SP4: variants seen among roughly 807,000 people sequenced by gnomAD.
SP4 encodes transcription factor Sp4.
SP4 carries 19 observed loss-of-function variants against 72.8 expected under a neutral mutation model. That is an observed-to-expected ratio of 0.26 (90% confidence interval 0.18 to 0.38). SP4 has a LOEUF of 0.38. SP4 is among the 10% of genes least tolerant of loss of function. The pLI is 1.00. For missense variants in SP4, 1,008 were observed against 926.3 expected (o/e 1.09, Z -1.14); for synonymous variants, 395 against 333.1 (o/e 1.19, Z -2.02).
rs762048786 is a variant in SP4, at chr7:21,429,809, C to G, written c.644C>G (p.Ala215Gly). ...QAILTAANRT[A>G]SGNILAQNLA... is the part of the protein sequence containing the mutation. ...ATACTCACAGCTGCTAACAGGACAG[C>G]TTCTGGGAATATTCTTGCTCAAAAC... The change falls in exon 3 of 6, where the codon GCT becomes GGT. Residue 215 changes from alanine to glycine, a missense_variant. This residue lies in a region of SP4 where 893 missense variants were observed against 743.3 expected (regional missense o/e 1.20). Transcript: ENST00000222584. 2 of 1,614,198 alleles carry G rather than the reference C, an allele frequency of 1.2e-6. No individual in the cohort carries two copies. Among genetic ancestry groups the G allele is most frequent in the African/African-American group, 2.7e-5 (2 of 75,058 alleles).
chr7:21,446,609 G>A (rs1159170550), intron 3 of SP4, among the ~76,000 whole-genome samples: 1 of 152,118 alleles, frequency 6.6e-6, no homozygotes, highest in African/African-American at 2.4e-5. Flanking sequence ...TTCATTTAGT[G>A]TTAGGATTCT....
chr7:21,446,802 G>T (rs577576605), intron 3 of SP4, among the ~76,000 whole-genome samples: 3 of 145,858 alleles, frequency 2.1e-5, no homozygotes, highest in African/African-American at 7.7e-5. Flanking sequence ...TCATATACGG[G>T]TTTGTTTGTT....
intron 3 of SP4, among the ~76,000 whole-genome samples, chr7:21,454,393 C>G (rs1783697807): frequency 6.7e-6 from 1 of 149,052 alleles, no homozygotes; most frequent in South Asian, 2.1e-4. Context: ...CCATCTACAA[C>G]ATACTTGGAC....
intron 3 of SP4, among the ~76,000 whole-genome samples, chr7:21,465,384 T>A (rs576039824): frequency 6.6e-6 from 1 of 152,000 alleles, no homozygotes; most frequent in South Asian, 2.1e-4. Context: ...CAGAAAAGAG[T>A]GTAGGGCTCT....
At chr7:21,437,753 A>G (rs1783096392) in intron 3 of SP4, among the ~76,000 whole-genome samples, 1 of 152,158 alleles carries the variant, frequency 6.6e-6, no homozygotes, top group Non-Finnish European at 1.5e-5. Context: ...TTTGGGATGT[A>G]TTGGCTTAAA....
At chr7:21,446,631 C>G (rs556266840) in intron 3 of SP4, among the ~76,000 whole-genome samples, 71 of 152,104 alleles carry the variant, frequency 4.7e-4, no homozygotes, top group Non-Finnish European at 6.6e-4. Context: ...TAGGTACTTT[C>G]ATTTAGTGTT....
intron 3 of SP4, among the ~76,000 whole-genome samples, chr7:21,469,932 T>C (rs568247896): frequency 7.2e-5 from 11 of 152,080 alleles, no homozygotes; most frequent in African/African-American, 1.2e-4. Context: ...GCAAATGTCA[T>C]AGGAGAAATC....
chr7:21,430,768 A>T lies in SP4; in HGVS notation c.1603A>T (p.Thr535Ser). 6.2e-7 allele frequency: 1 copy of T among 1,614,220 alleles called. No homozygotes were observed. The highest frequency in any genetic ancestry group is 8.5e-7 in the Non-Finnish European group (1 of 1,180,046). Residue 535 changes from threonine (T) to serine (S), a missense_variant, in exon 3 of 6, where the codon ACA (threonine) becomes TCA (serine). Transcript: ENST00000222584. ...GCTTGCATCAGTGCCTAACCTTCAG[A>T]CAGTGAGCGTTGCCAACCTGGGTGC... ...AQLASVPNLQ[T>S]VSVANLGAAG... is the part of the protein sequence containing the mutation.
chr7:21,432,585 T>A (rs1782900155), intron 3 of SP4, among the ~76,000 whole-genome samples: 1 of 152,254 alleles, frequency 6.6e-6, no homozygotes, highest in Non-Finnish European at 1.5e-5. Context: ...CAAACTTAGA[T>A]TAACTTGAAT....
At chr7:21,506,471 C>G (rs560671547) in intron 5 of SP4, among the ~76,000 whole-genome samples, 20 of 152,288 alleles carry the variant, frequency 1.3e-4, no homozygotes, top group African/African-American at 3.6e-4. Flanking sequence ...AGTCTTAGGA[C>G]CTTTTCCCTG....
At chr7:21,466,860 C>T (rs1784182625) in intron 3 of SP4, among the ~76,000 whole-genome samples, 1 of 151,948 alleles carries the variant, frequency 6.6e-6, no homozygotes, top group Non-Finnish European at 1.5e-5. Flanking sequence ...CTGTCACAGC[C>T]TATTCCCAAA....
intron 3 of SP4, among the ~76,000 whole-genome samples, chr7:21,446,128 T>TTTAAA (rs1172344206): frequency 1.3e-5 from 2 of 151,538 alleles, no homozygotes; most frequent in Non-Finnish European, 2.9e-5. Context: ...CAGGGAAAAC[T>TTTAAA]TAAAGGGATT....
intron 5 of SP4, among the ~76,000 whole-genome samples, chr7:21,505,309 G>T (rs1043459951): frequency 2.0e-5 from 3 of 152,142 alleles, no homozygotes; most frequent in African/African-American, 7.2e-5. Context: ...GCAAACTGCA[G>T]TTTGTTCTTA....
intron 5 of SP4, among the ~76,000 whole-genome samples, chr7:21,499,269 AGT>A (rs1405193580): frequency 6.6e-6 from 1 of 152,080 alleles, no homozygotes; most frequent in African/African-American, 2.4e-5. Flanking sequence ...ATGTCCCTTT[AGT>A]GGGTTGAATT....
At chr7:21,483,138 T>A (rs921303858) in intron 5 of SP4, among the ~76,000 whole-genome samples, 10 of 152,216 alleles carry the variant, frequency 6.6e-5, no homozygotes, top group Middle Eastern at 3.4e-3. Flanking sequence ...TTTTTTTCAA[T>A]CTAAAATTGT....
In SP4 at chr7:21,448,347, G is replaced by C. The variant is rs75238715; in HGVS notation, c.1678+17504G>C. Among the ~76,000 whole-genome samples, 495 of 152,234 alleles carry C rather than the reference G, an allele frequency of 3.3e-3. 20 individuals are homozygous for C. The highest frequency in any genetic ancestry group is 0.029 in the Admixed American group (441 of 15,288). On this transcript the variant is annotated intron_variant, in intron 3 of 5. Coordinates refer to ENST00000222584, the MANE Select transcript of SP4 (RefSeq NM_003112.5). ...GAATTTGTGTTTCATTAATTATTAA[G>C]AATCCTACTGTTTTTTAATGTAATA... is the stretch of plus-strand genomic sequence containing the variant.
rs1178535397 is a variant in SP4 at position 21,429,620 on chromosome 7, A to C, written c.455A>C (p.Gln152Pro). Reference protein sequence around the residue: ...SGNSSTPGQFQVIQVQNPSGS... With the variant: ...SGNSSTPGQFPVIQVQNPSGS... Reference sequence around the variant, plus strand: ...AATTCTTCCACCCCTGGTCAATTTCAAGTCATACAAGTACAAAATCCAAGT... The same window carrying C: ...AATTCTTCCACCCCTGGTCAATTTCCAGTCATACAAGTACAAAATCCAAGT... Residue 152 changes from glutamine to proline, a missense_variant, in exon 3 of 6, where the codon CAA becomes CCA. Physicochemically the swap from Gln to Pro is moderately conservative, Grantham distance 76. This residue lies in a region of SP4 where 893 missense variants were observed against 743.3 expected (regional missense o/e 1.20). Transcript: ENST00000222584. The C allele has an allele frequency of 6.2e-7, 1 of 1,614,186 alleles. No homozygotes were observed. Among genetic ancestry groups the C allele is most frequent in the Non-Finnish European group, 8.5e-7 (1 of 1,179,998 alleles).
intron 3 of SP4, among the ~76,000 whole-genome samples, chr7:21,471,883 A>G (rs1784356302): frequency 6.6e-6 from 1 of 152,198 alleles, no homozygotes; most frequent in African/African-American, 2.4e-5. Context: ...GGGATGTGAA[A>G]CAATATATGG....
At chr7:21,503,559 C>G (rs1421385023) in intron 5 of SP4, among the ~76,000 whole-genome samples, 2 of 152,164 alleles carry the variant, frequency 1.3e-5, no homozygotes, top group Non-Finnish European at 2.9e-5. Context: ...GGTAAAGTGG[C>G]TTCCATTGTC....
Sources: gnomAD v4.1 joint callset for allele counts (sites outside exome capture counted in the v4.1 genomes callset) on GRCh38, gnomAD v4.1.1 for gene constraint, gnomAD v4.1.1 regional missense constraint, MANE v1.5 for transcripts, NCBI Gene and HGNC (gene_info 2026-07-23, HGNC 2026-07-21) for gene names.